SLC35F3: variants seen among roughly 807,000 people sequenced by gnomAD.
SLC35F3 encodes putative thiamine transporter SLC35F3.
SLC35F3 carries 25 observed loss-of-function variants against 49.9 expected under a neutral mutation model. That is an observed-to-expected ratio of 0.50 (90% CI 0.37 to 0.70). SLC35F3 has a LOEUF of 0.70. SLC35F3 is among the 30% of genes least tolerant of loss of function. The pLI is 0.00. For synonymous variants in SLC35F3, 275 were observed against 265.4 expected (o/e 1.04, Z -0.35); for missense variants, 525 against 639.8 (o/e 0.82, Z 1.94).
At chr1:233,991,140 G>C (rs1170708399) in intron 2 of SLC35F3, among the ~76,000 whole-genome samples, 1 of 152,142 alleles carries the variant, frequency 6.6e-6, no homozygotes, top group Non-Finnish European at 1.5e-5. Flanking sequence ...TCCTAAGGCT[G>C]GACCTCTGGC....
chr1:234,054,705 G>A (rs1029390783), intron 2 of SLC35F3, among the ~76,000 whole-genome samples: 3 of 152,198 alleles, frequency 2.0e-5, no homozygotes, highest in African/African-American at 7.2e-5. Flanking sequence ...CGTTCCTTTG[G>A]AGGAGAAGAG....
At position 234,274,647 on chromosome 1, in the gene SLC35F3, C is replaced by A. The variant is rs528022207; in HGVS notation, c.609-34454C>A. 1.4e-4 allele frequency among the ~76,000 whole-genome samples: 21 copies of A among 152,356 alleles called. No individual in the cohort carries two copies. The South Asian group carries it at 3.9e-3, about 29-fold the overall frequency. On this transcript the variant is annotated intron_variant, in intron 3 of 7. Transcript: ENST00000366618. ...GGATAATGCACTTCTCTGCTCATCT[C>A]CTAACCACACTTGGAAAAGCCATCC...
At chr1:234,235,291 CAATG>C (rs1483047733) in intron 3 of SLC35F3, among the ~76,000 whole-genome samples, 2 of 152,214 alleles carry the variant, frequency 1.3e-5, no homozygotes, top group Non-Finnish European at 2.9e-5. Context: ...CACTGTTTCT[CAATG>C]AAGGTGGCCA....
At chr1:233,905,846 C>G in intron 2 of SLC35F3, 88 bp downstream of exon 2, 1 of 1,237,460 alleles carries the variant, frequency 8.1e-7, no homozygotes, top group Non-Finnish European at 1.1e-6. Context: ...CGCAGTGAGG[C>G]GTCCAGCCAC....
intron 2 of SLC35F3, among the ~76,000 whole-genome samples, chr1:234,129,850 T>G (rs1665706272): frequency 6.6e-6 from 1 of 152,018 alleles, no homozygotes; most frequent in Non-Finnish European, 1.5e-5. Flanking sequence ...CTGAAACAAA[T>G]GAATATCCAT....
intron 2 of SLC35F3, among the ~76,000 whole-genome samples, chr1:234,133,090 A>C (rs1323925296): frequency 2.0e-5 from 3 of 152,200 alleles, no homozygotes. Flanking sequence ...ATTTTAATGC[A>C]GTATGCCTGA....
chr1:234,159,981 A>G (rs755654724), intron 2 of SLC35F3, among the ~76,000 whole-genome samples: 2 of 152,224 alleles, frequency 1.3e-5, no homozygotes, highest in African/African-American at 2.4e-5. Context: ...AATGGGGCAT[A>G]GAGAAGTTAA....
chr1:234,301,269 T>C (rs1423874404), intron 3 of SLC35F3, among the ~76,000 whole-genome samples: 2 of 152,146 alleles, frequency 1.3e-5, no homozygotes, highest in African/African-American at 2.4e-5. Flanking sequence ...TCGGGCGTGT[T>C]CAGGGTGGTA....
At chr1:234,062,899 C>T (rs7542564) in intron 2 of SLC35F3, among the ~76,000 whole-genome samples, 4,650 of 150,738 alleles carry the variant, frequency 0.031, 224 homozygotes, top group African/African-American at 0.11. Context: ...CCGTGTTCAC[C>T]GGGATGGTCT....
chr1:233,964,997 G>A (rs1662879007), intron 2 of SLC35F3, among the ~76,000 whole-genome samples: 2 of 152,172 alleles, frequency 1.3e-5, no homozygotes, highest in South Asian at 4.1e-4. Context: ...ACCATGGCCA[G>A]TGTCATGAAG....
chr1:234,059,110 T>A (rs1471804663), intron 2 of SLC35F3, among the ~76,000 whole-genome samples: 1 of 152,180 alleles, frequency 6.6e-6, no homozygotes, highest in Non-Finnish European at 1.5e-5. Context: ...TGTATTGTTC[T>A]CTTCAAGTGA....
chr1:234,203,388 T>G (rs1360897620), intron 2 of SLC35F3, among the ~76,000 whole-genome samples: 4 of 152,222 alleles, frequency 2.6e-5, no homozygotes, highest in Admixed American at 1.3e-4. Flanking sequence ...GAGACTCATT[T>G]TTTAGCCCCT....
chr1:234,032,555 T>C (rs1298667635), intron 2 of SLC35F3, among the ~76,000 whole-genome samples: 2 of 152,196 alleles, frequency 1.3e-5, no homozygotes, highest in African/African-American at 4.8e-5. Flanking sequence ...ATTATTCTTA[T>C]GCCTTTATGT....
chr1:234,103,846 G>C (rs1049681966), intron 2 of SLC35F3, among the ~76,000 whole-genome samples: 19 of 152,274 alleles, frequency 1.2e-4, no homozygotes, highest in Admixed American at 1.1e-3. Context: ...AAATGGGATT[G>C]GAAGTGATGG....
rs562475793 is a variant in SLC35F3, at chr1:234,008,577, G to A, written c.283+102819G>A. On this transcript the variant is annotated intron_variant, in intron 2 of 7. Coordinates refer to ENST00000366618, the MANE Select transcript of SLC35F3 (RefSeq NM_173508.4). ...TTCTTTCATAGCTTTATGCTGAAGT[G>A]TTTTACTCATCTCTACTGCTTTCTT... Among the ~76,000 whole-genome samples the A allele has an allele frequency of 5.9e-5, 9 of 152,264 alleles. No individual in the cohort carries two copies. In the South Asian group the frequency reaches 1.9e-3, roughly 32 times the overall value.
chr1:234,221,272 G>C (rs985866616), intron 2 of SLC35F3, among the ~76,000 whole-genome samples: 3 of 152,106 alleles, frequency 2.0e-5, no homozygotes, highest in East Asian at 3.9e-4. Flanking sequence ...CTGTCTTAAG[G>C]GGGAGGGAGA....
chr1:233,941,391 A>G (rs1482638376), intron 2 of SLC35F3, among the ~76,000 whole-genome samples: 2 of 152,214 alleles, frequency 1.3e-5, no homozygotes, highest in Admixed American at 6.5e-5. Flanking sequence ...TAAGGCTACT[A>G]TATAACAATT....
intron 2 of SLC35F3, among the ~76,000 whole-genome samples, chr1:234,029,715 G>A (rs1664030368): frequency 6.6e-6 from 1 of 152,010 alleles, no homozygotes. Flanking sequence ...TTCGATTCTG[G>A]GCTGAACATG....
intron 2 of SLC35F3, among the ~76,000 whole-genome samples, chr1:234,194,592 T>C (rs1489080893): frequency 6.7e-6 from 1 of 150,164 alleles, no homozygotes; most frequent in African/African-American, 2.5e-5. Context: ...CTCAAACCTA[T>C]GGAAATTTTT....
Sources: gnomAD v4.1 joint callset for allele counts (sites outside exome capture counted in the v4.1 genomes callset) on GRCh38, gnomAD v4.1.1 for gene constraint, MANE v1.5 for transcripts, NCBI Gene and HGNC (gene_info 2026-07-23, HGNC 2026-07-21) for gene names.